The following MDGA2 variants were observed in gnomAD, a reference collection of about 807,000 sequenced individuals.
The protein encoded by MDGA2 is MAM domain-containing glycosylphosphatidylinositol anchor protein 2.
MDGA2 carries 40 observed loss-of-function variants against 117.8 expected under a neutral mutation model. That is an observed-to-expected ratio of 0.34 (90% confidence interval 0.26 to 0.44). The LOEUF (loss-of-function observed/expected upper bound fraction) is 0.44, where lower values mean the gene tolerates loss of function less well. MDGA2 is among the 20% of genes least tolerant of loss of function. The pLI, the probability that MDGA2 is intolerant of heterozygous loss-of-function variation, is 1.00. For synonymous variants in MDGA2, 452 were observed against 439.0 expected (o/e 1.03, Z -0.37); for missense variants, 1,123 against 1,250.6 (o/e 0.90, Z 1.54).
At chr14:47,579,489 T>C (rs74046643) in intron 1 of MDGA2, among the ~76,000 whole-genome samples, 7,613 of 152,080 alleles carry the variant, frequency 0.05, 630 homozygotes, top group African/African-American at 0.17. Flanking sequence ...AATTTTATGA[T>C]AGTTGAACAT....
intron 5 of MDGA2, among the ~76,000 whole-genome samples, chr14:47,103,470 T>C (rs112816497): frequency 1.4e-4 from 22 of 152,334 alleles, no homozygotes; most frequent in African/African-American, 4.6e-4. Context: ...CACATATTGA[T>C]TGACTCTCAT....
intron 1 of MDGA2, among the ~76,000 whole-genome samples, chr14:47,635,325 C>A (rs1476198759): frequency 2.0e-5 from 3 of 151,920 alleles, no homozygotes; most frequent in African/African-American, 7.2e-5. Flanking sequence ...AGATAAATGC[C>A]TACATTATGA....
chr14:47,180,750 G>A (rs771815434), intron 3 of MDGA2, among the ~76,000 whole-genome samples: 2 of 151,940 alleles, frequency 1.3e-5, no homozygotes, highest in Admixed American at 1.3e-4. Context: ...GTGAAACCCC[G>A]TCTCTACTAA....
At chr14:47,432,607 C>T (rs897798834) in intron 1 of MDGA2, among the ~76,000 whole-genome samples, 3 of 151,972 alleles carry the variant, frequency 2.0e-5, no homozygotes, top group African/African-American at 4.8e-5. Flanking sequence ...GCCTTATGAA[C>T]TACCTTATAC....
intron 3 of MDGA2, among the ~76,000 whole-genome samples, chr14:47,209,051 C>CTT (rs138821957): frequency 2.0e-5 from 3 of 150,880 alleles, no homozygotes; most frequent in Non-Finnish European, 4.4e-5. Flanking sequence ...TGATTATATC[C>CTT]TTTTTTTTTA....
chr14:47,035,869 C>T (rs1888828462), intron 7 of MDGA2, among the ~76,000 whole-genome samples: 1 of 152,068 alleles, frequency 6.6e-6, no homozygotes, highest in South Asian at 2.1e-4. Flanking sequence ...TATTATTTCA[C>T]TTCATAATAT....
intron 1 of MDGA2, among the ~76,000 whole-genome samples, chr14:47,466,365 T>C (rs1365917847): frequency 6.6e-6 from 1 of 152,068 alleles, no homozygotes; most frequent in Non-Finnish European, 1.5e-5. Flanking sequence ...GTGATTCTTG[T>C]TATATAACTG....
chr14:47,587,290 TTAAAA>T (rs1368417587), intron 1 of MDGA2, among the ~76,000 whole-genome samples: 17 of 151,824 alleles, frequency 1.1e-4, no homozygotes, highest in African/African-American at 3.9e-4. Context: ...ACCCCAGAAC[TTAAAA>T]TAAAACTTAA....
chr14:46,923,245 A>G (rs954102466), intron 9 of MDGA2, among the ~76,000 whole-genome samples: 25 of 152,284 alleles, frequency 1.6e-4, no homozygotes, highest in African/African-American at 5.8e-4. Flanking sequence ...TCTCACAAAG[A>G]CTTTCCAATG....
At chr14:46,875,149 G>C (rs748844562) in intron 12 of MDGA2, among the ~76,000 whole-genome samples, 8 of 151,712 alleles carry the variant, frequency 5.3e-5, no homozygotes, top group Non-Finnish European at 1.2e-4. Context: ...AAATGATAAT[G>C]TCAAATGGAA....
At chr14:47,159,069 G>C (rs543655413) in intron 3 of MDGA2, among the ~76,000 whole-genome samples, 1 of 152,316 alleles carries the variant, frequency 6.6e-6, no homozygotes, top group African/African-American at 2.4e-5. Flanking sequence ...GAGCACAGAG[G>C]ATTTTTAGGG....
At chr14:47,078,248 G>C (rs563059786) in intron 6 of MDGA2, among the ~76,000 whole-genome samples, 1 of 152,090 alleles carries the variant, frequency 6.6e-6, no homozygotes. Context: ...TCATCCTTCA[G>C]AATGAGATCT....
chr14:46,926,002 A>T (rs555719205), intron 9 of MDGA2, among the ~76,000 whole-genome samples: 1 of 152,210 alleles, frequency 6.6e-6, no homozygotes, highest in African/African-American at 2.4e-5. Context: ...GCACTTCTCA[A>T]GAACAGGGAT....
intron 4 of MDGA2, among the ~76,000 whole-genome samples, chr14:47,136,770 A>T (rs1224792398): frequency 6.6e-6 from 1 of 152,314 alleles, no homozygotes; most frequent in East Asian, 1.9e-4. Flanking sequence ...ATTGCTGACT[A>T]GATAGGAATA....
rs146706089 is a variant in MDGA2, at chr14:47,468,126, G to T, written c.281-166576C>A. Among the ~76,000 whole-genome samples, 201 of 152,244 alleles carry T rather than the reference G, an allele frequency of 1.3e-3. 1 individual carries two copies. Among genetic ancestry groups the T allele is most frequent in the Non-Finnish European group, 2.3e-3 (155 of 68,006 alleles). On this transcript the variant is annotated intron_variant, in intron 1 of 16. Transcript: ENST00000399232. ...TGAGGAGTGGAAGGCAATCAGTACA[G>T]TGTTGCAATCCTCTAACAATCCAAG... is the stretch of plus-strand genomic sequence containing the variant.
At chr14:47,373,771 T>A (rs779716666) in intron 1 of MDGA2, among the ~76,000 whole-genome samples, 1 of 152,112 alleles carries the variant, frequency 6.6e-6, no homozygotes, top group African/African-American at 2.4e-5. Context: ...ACTTTGTGAA[T>A]CTACTAAATA....
Position 47,209,965 on chromosome 14 carries a change from CCAG to C in MDGA2, c.595+8053_595+8055del, listed in dbSNP as rs1258857474. Among the ~76,000 whole-genome samples, 5 of 152,264 alleles carry C rather than the reference CCAG, an allele frequency of 3.3e-5. No homozygotes were observed. The East Asian group carries it at 9.7e-4, about 29-fold the overall frequency. ...TTTCTTTCCAGGGTTTGTCACGTTT[CCAG>C]AATTCCCATTAGTCATTCTAGCCCT... On this transcript the variant is annotated intron_variant, in intron 3 of 16. Transcript: ENST00000399232.
At chr14:46,960,790 A>C (rs1041692550) in intron 8 of MDGA2, among the ~76,000 whole-genome samples, 7 of 145,294 alleles carry the variant, frequency 4.8e-5, no homozygotes, top group Non-Finnish European at 8.9e-5. Context: ...TTATACATAT[A>C]TAGAATTATA....
At chr14:47,107,901 G>A (rs1880810739) in intron 5 of MDGA2, among the ~76,000 whole-genome samples, 1 of 151,598 alleles carries the variant, frequency 6.6e-6, no homozygotes, top group Non-Finnish European at 1.5e-5. Flanking sequence ...CAGGGTCTGA[G>A]AAGGCCACCG....
Sources: allele counts gnomAD v4.1 joint callset (sites outside exome capture counted in the v4.1 genomes callset), GRCh38; gene constraint gnomAD v4.1.1; transcripts MANE v1.5; gene names NCBI Gene and HGNC (gene_info 2026-07-23, HGNC 2026-07-21).